Variants in MYO1B observed in about 807,000 individuals in gnomAD.
MYO1B encodes myosin IB.
Under a neutral mutation model 159.7 loss-of-function variants are expected in MYO1B, and 72 were observed. That is an observed-to-expected ratio of 0.45 (90% CI 0.37 to 0.55). The LOEUF is 0.55. Ranked by LOEUF, MYO1B falls within the 20% of genes least tolerant of loss-of-function variation. The probability of loss-of-function intolerance (pLI) is 0.00; values close to 1 mark genes in which losing one functional copy is unlikely to be tolerated. For missense variants in MYO1B, 1,062 were observed against 1,364.8 expected, an observed-to-expected ratio of 0.78 and a Z score of 3.50; for synonymous variants, 468 against 473.8, an observed-to-expected ratio of 0.99 and a Z score of 0.16.
At chr2:191,285,897 C>T (rs1688336102) in intron 2 of MYO1B, among the ~76,000 whole-genome samples, 1 of 152,058 alleles carries the variant, frequency 6.6e-6, no homozygotes, top group African/African-American at 2.4e-5. Context: ...GGATAGTTGT[C>T]AGGGGTTCCT....
chr2:191,407,404 A>G (rs1696988219), intron 24 of MYO1B, among the ~76,000 whole-genome samples: 1 of 152,182 alleles, frequency 6.6e-6, no homozygotes, highest in Admixed American at 6.5e-5. Flanking sequence ...TTTTCCTTCA[A>G]TTTCAAAATT....
chr2:191,271,512 T>A (rs112614950), intron 1 of MYO1B, among the ~76,000 whole-genome samples: 1,784 of 25,190 alleles, frequency 0.071, 30 homozygotes, highest in African/African-American at 0.18. Context: ...TCTTTCTATT[T>A]AAATCTAAAA....
rs35917445 is a variant in MYO1B, at chr2:191,300,339, A to AT, written c.251+4131dup. Among the ~76,000 whole-genome samples, 340 of 140,946 alleles carry AT rather than the reference A, an allele frequency of 2.4e-3. 5 individuals are homozygous for AT. The highest frequency in any genetic ancestry group is 0.011 in the East Asian group (52 of 4,814). The allele number at this position is 140,946 out of a possible 152,430, so 92.5% of individuals were successfully genotyped here. ...TATTACATTTGAAATTTACTTGTCA[A>AT]TTTTTTTTTTTTTTTTTTGAGTCGG... is the stretch of plus-strand genomic sequence containing the variant. On this transcript the variant is annotated intron_variant, in intron 3 of 30. Transcript: ENST00000392318.
intron 20 of MYO1B, among the ~76,000 whole-genome samples, chr2:191,395,282 G>A (rs1042354030): frequency 1.3e-5 from 2 of 152,162 alleles, no homozygotes; most frequent in African/African-American, 4.8e-5. Flanking sequence ...TTTAACAGCT[G>A]GGGAAACTGA....
At position 191,296,144 on chromosome 2, in the gene MYO1B, C is replaced by T; in HGVS notation, c.169C>T (p.Pro57Ser). The T allele has an allele frequency of 6.2e-7, 1 of 1,606,176 alleles. No individual in the cohort carries two copies. The highest frequency in any genetic ancestry group is 8.5e-7 in the Non-Finnish European group (1 of 1,175,062). The change falls in exon 3 of 31, where the codon CCA (proline) becomes TCA (serine). Residue 57 changes from proline (P) to serine (S), a missense_variant. This residue lies in a region of MYO1B where 415 missense variants were observed against 544.0 expected (regional missense o/e 0.76). Transcript: ENST00000392318. ...YIGSVVISVN[P>S]YRSLPIYSPE... Reference sequence around the variant, plus strand: ...TGGAAGTGTGGTTATATCTGTTAACCCATACCGGTCTTTACCCATTTATTC... The same window carrying T: ...TGGAAGTGTGGTTATATCTGTTAACTCATACCGGTCTTTACCCATTTATTC...
At chr2:191,342,563 A>G (rs1451971610) in intron 5 of MYO1B, among the ~76,000 whole-genome samples, 1 of 152,122 alleles carries the variant, frequency 6.6e-6, no homozygotes, top group Non-Finnish European at 1.5e-5. Context: ...AAACTGCTTT[A>G]TGGCTGGGCA....
intron 1 of MYO1B, among the ~76,000 whole-genome samples, chr2:191,270,837 T>A (rs1687412599): frequency 6.6e-6 from 1 of 152,226 alleles, no homozygotes; most frequent in Admixed American, 6.5e-5. Context: ...GTAGCTCAAT[T>A]CTGTTTCCTG....
At chr2:191,307,240 T>G (rs1689703089) in intron 3 of MYO1B, among the ~76,000 whole-genome samples, 2 of 152,144 alleles carry the variant, frequency 1.3e-5, no homozygotes, top group African/African-American at 4.8e-5. Flanking sequence ...TCTGTTTTTT[T>G]TTTTAGACCA....
intron 13 of MYO1B, among the ~76,000 whole-genome samples, chr2:191,377,255 G>A (rs1694769510): frequency 6.6e-6 from 1 of 152,206 alleles, no homozygotes; most frequent in Non-Finnish European, 1.5e-5. Context: ...CATTTAGGGA[G>A]GTTATGTAAT....
At chr2:191,329,762 C>T (rs1244122154) in intron 3 of MYO1B, among the ~76,000 whole-genome samples, 173 bp from the exon 4 acceptor site, 1 of 151,494 alleles carries the variant, frequency 6.6e-6, no homozygotes, top group Non-Finnish European at 1.5e-5. Context: ...TAACGTGTCA[C>T]AATGGATGGG....
intron 3 of MYO1B, among the ~76,000 whole-genome samples, chr2:191,326,770 A>ATGTGTGTGTGTG (rs35184577): frequency 5.8e-5 from 8 of 137,150 alleles, no homozygotes; most frequent in East Asian, 4.4e-4. Flanking sequence ...GTTTGTATAT[A>ATGTGTGTGTGTG]TGTGTGTGTG....
At chr2:191,350,806 T>TAA (rs766542565) in intron 7 of MYO1B, among the ~76,000 whole-genome samples, 3 of 127,326 alleles carry the variant, frequency 2.4e-5, no homozygotes, top group Non-Finnish European at 5.3e-5. Context: ...TGTGAAAAGT[T>TAA]AAAAAAAAAA....
chr2:191,281,402 C>T (rs903240539), intron 2 of MYO1B, among the ~76,000 whole-genome samples: 61 of 152,242 alleles, frequency 4.0e-4, no homozygotes, highest in African/African-American at 1.1e-3. Flanking sequence ...TCCATCTTGG[C>T]GGAGTGTGGT....
At chr2:191,324,731 A>G (rs1379818863) in intron 3 of MYO1B, among the ~76,000 whole-genome samples, 1 of 152,162 alleles carries the variant, frequency 6.6e-6, no homozygotes, top group African/African-American at 2.4e-5. Flanking sequence ...TTAAATTACC[A>G]TGCTTATACT....
At chr2:191,266,024 G>A (rs1437432552) in intron 1 of MYO1B, among the ~76,000 whole-genome samples, 4 of 152,144 alleles carry the variant, frequency 2.6e-5, no homozygotes, top group Non-Finnish European at 5.9e-5. Flanking sequence ...AGTGGGGTGT[G>A]TGCTCTCTGA....
intron 3 of MYO1B, among the ~76,000 whole-genome samples, chr2:191,307,233 G>GT (rs892908260): frequency 1.6e-3 from 233 of 144,708 alleles, no homozygotes; most frequent in South Asian, 4.8e-3. Flanking sequence ...GGTTCCTTCT[G>GT]TTTTTTTTTT....
chr2:191,409,648 G>A (rs1697144912), intron 26 of MYO1B, among the ~76,000 whole-genome samples: 1 of 152,158 alleles, frequency 6.6e-6, no homozygotes, highest in South Asian at 2.1e-4. Context: ...GGGAAAAAAG[G>A]CTTTTTCCTG....
chr2:191,336,353 T>C (rs909370606), intron 4 of MYO1B, among the ~76,000 whole-genome samples: 9 of 152,186 alleles, frequency 5.9e-5, no homozygotes, highest in Admixed American at 2.0e-4. Flanking sequence ...AGCCTAAACA[T>C]TGGCGAGCAT....
intron 17 of MYO1B, chr2:191,387,956 G>A (rs1695493346): frequency 6.0e-6 from 1 of 165,532 alleles, no homozygotes; most frequent in Non-Finnish European, 1.3e-5. Flanking sequence ...GATTCCTAAA[G>A]CAATCTGAAT....
Sources: gnomAD v4.1 joint callset for allele counts (sites outside exome capture counted in the v4.1 genomes callset) on GRCh38, gnomAD v4.1.1 for gene constraint, gnomAD v4.1.1 regional missense constraint, MANE v1.5 for transcripts, NCBI Gene and HGNC (gene_info 2026-07-23, HGNC 2026-07-21) for gene names.